Variants in PCDH11X observed in about 807,000 individuals in gnomAD.
The protein encoded by PCDH11X is protocadherin 11 X-linked.
PCDH11X carries 18 observed loss-of-function variants against 53.3 expected under a neutral mutation model. That is an observed-to-expected ratio of 0.34 (90% CI 0.23 to 0.50). The LOEUF (loss-of-function observed/expected upper bound fraction) is 0.50. Ranked by LOEUF, PCDH11X falls within the 20% of genes least tolerant of loss-of-function variation. The probability of loss-of-function intolerance (pLI) is 0.98; values close to 1 mark genes in which losing one functional copy is unlikely to be tolerated. For synonymous variants in PCDH11X, 279 were observed against 393.3 expected (o/e 0.71, Z 3.44); for missense variants, 570 against 1,032.4 (o/e 0.55, Z 6.14).
chrX:91,780,244 GAGGAGAGCC>G lies in PCDH11X; in HGVS notation c.-379+575_-379+583del, dbSNP rs906497519. On this transcript the variant is annotated intron_variant, in intron 1 of 10. Transcript: ENST00000682573. ...TTGAGGGTACGACCCTTGGCGCAGA[GAGGAGAGCC>G]AGGAGAGCCAGGAGCGCACAGGGTT... Among the ~76,000 whole-genome samples, 44 of 111,591 alleles carry G rather than the reference GAGGAGAGCC, an allele frequency of 3.9e-4. 1 individual carries two copies. The highest frequency in any genetic ancestry group is 2.6e-4 in the Non-Finnish European group (14 of 53,065).
At chrX:92,048,601 G>A (rs1325717889) in intron 6 of PCDH11X, among the ~76,000 whole-genome samples, 1 of 111,449 alleles carries the variant, frequency 9.0e-6, no homozygotes, top group Non-Finnish European at 1.9e-5. Context: ...TTTAATAAAT[G>A]ATTTAGAGGA....
chrX:92,436,837 G>T (rs1241188501), intron 9 of PCDH11X, among the ~76,000 whole-genome samples: 1 of 109,734 alleles, frequency 9.1e-6, no homozygotes, highest in East Asian at 2.9e-4. Flanking sequence ...TTGGAGGAGG[G>T]AGAGGAGCAG....
chrX:92,033,431 G>T (rs2063082436), intron 6 of PCDH11X, among the ~76,000 whole-genome samples: 2 of 107,224 alleles, frequency 1.9e-5, no homozygotes, highest in African/African-American at 6.8e-5. Context: ...CTTGTTAGTG[G>T]TCTTTTCAGG....
intron 1 of PCDH11X, among the ~76,000 whole-genome samples, chrX:91,809,119 C>T (rs1259554577): frequency 9.2e-6 from 1 of 109,024 alleles, no homozygotes. Context: ...CTTATCTGTT[C>T]TTGGCACTAA....
intron 6 of PCDH11X, among the ~76,000 whole-genome samples, chrX:92,023,544 G>T (rs1046799973): frequency 9.1e-6 from 1 of 110,003 alleles, no homozygotes; most frequent in African/African-American, 3.3e-5. Context: ...CCAAAAAAAA[G>T]CCCAGGACCA....
chrX:92,010,693 A>T lies in PCDH11X; in HGVS notation c.3033+131420A>T, dbSNP rs778128644. ...CTGTTTTTTAGATGAATACTAGATA[A>T]ATCATAAGCTAGTGAAAAAGCCACA... On this transcript the variant is annotated intron_variant, in intron 6 of 10. Transcript: ENST00000682573. Among the ~76,000 whole-genome samples, 3 of 110,394 alleles carry T rather than the reference A, an allele frequency of 2.7e-5. No individual in the cohort carries two copies. In the East Asian group the frequency reaches 8.5e-4, roughly 31 times the overall value.
chrX:92,247,401 C>T (rs2067371687), intron 7 of PCDH11X, among the ~76,000 whole-genome samples: 1 of 111,951 alleles, frequency 8.9e-6, no homozygotes, highest in Admixed American at 9.5e-5. Flanking sequence ...TTCTGACTAG[C>T]TTCCTCTTTT....
At chrX:91,936,517 T>C (rs1379078473) in intron 6 of PCDH11X, among the ~76,000 whole-genome samples, 2 of 108,099 alleles carry the variant, frequency 1.9e-5, no homozygotes, top group Non-Finnish European at 3.8e-5. Flanking sequence ...AAACATATAG[T>C]TAGCTCTTTT....
intron 6 of PCDH11X, among the ~76,000 whole-genome samples, chrX:91,911,022 G>T (rs1212274966): frequency 9.0e-6 from 1 of 111,198 alleles, no homozygotes; most frequent in Non-Finnish European, 1.9e-5. Flanking sequence ...GGAAGAATTT[G>T]AAACTATACT....
intron 7 of PCDH11X, among the ~76,000 whole-genome samples, chrX:92,234,264 C>A (rs1481890233): frequency 1.8e-5 from 2 of 111,959 alleles, no homozygotes; most frequent in Non-Finnish European, 3.8e-5. Flanking sequence ...AAGACTCTCA[C>A]TAGTCAGAGC....
At chrX:92,061,938 C>T (rs111357865) in intron 6 of PCDH11X, among the ~76,000 whole-genome samples, 3,537 of 111,651 alleles carry the variant, frequency 0.032, 134 homozygotes, top group African/African-American at 0.11. Context: ...ATTGATCCTT[C>T]TTATCCATGA....
intron 6 of PCDH11X, among the ~76,000 whole-genome samples, chrX:91,917,813 G>GA (rs1320248837): frequency 9.1e-6 from 1 of 109,578 alleles, no homozygotes; most frequent in African/African-American, 3.3e-5. Context: ...CACAGAACCA[G>GA]AAAAAAACTA....
intron 6 of PCDH11X, among the ~76,000 whole-genome samples, chrX:91,942,857 T>C (rs2061527673): frequency 1.8e-5 from 2 of 110,824 alleles, no homozygotes; most frequent in South Asian, 7.6e-4. Context: ...ATACATCATT[T>C]GCAAGTGATG....
intron 10 of PCDH11X, among the ~76,000 whole-genome samples, chrX:92,600,035 T>C (rs371019638): frequency 1.8e-5 from 2 of 108,679 alleles, no homozygotes; most frequent in East Asian, 5.7e-4. Context: ...AAGAGGTAAC[T>C]TGGGTGCTCT....
At chrX:92,483,943 A>G (rs929135355) in intron 10 of PCDH11X, among the ~76,000 whole-genome samples, 21 of 107,901 alleles carry the variant, frequency 1.9e-4, no homozygotes, top group African/African-American at 5.4e-4. Flanking sequence ...CAATCCCACT[A>G]CTGGGTATCT....
chrX:91,853,587 T>G (rs2571819), intron 5 of PCDH11X, among the ~76,000 whole-genome samples: 32,499 of 106,172 alleles, frequency 0.31, 4,651 homozygotes, highest in African/African-American at 0.48. Context: ...TATTAGCAAT[T>G]TTAAAATAAT....
intron 8 of PCDH11X, among the ~76,000 whole-genome samples, chrX:92,375,863 C>A (rs1287652712): frequency 8.9e-6 from 1 of 111,796 alleles, no homozygotes; most frequent in African/African-American, 3.3e-5. Context: ...ACCTTGTGAT[C>A]CACCCTCCTC....
At chrX:92,511,627 A>C (rs1011379745) in intron 10 of PCDH11X, among the ~76,000 whole-genome samples, 9 of 111,514 alleles carry the variant, frequency 8.1e-5, no homozygotes, top group African/African-American at 2.9e-4. Flanking sequence ...GATACAGAGA[A>C]GTTAACTGCA....
intron 6 of PCDH11X, among the ~76,000 whole-genome samples, chrX:92,013,532 C>T (rs924411569): frequency 9.0e-6 from 1 of 111,672 alleles, no homozygotes; most frequent in African/African-American, 3.3e-5. Flanking sequence ...GAAAAAACTA[C>T]TTTAAAGTTC....
Sources: gnomAD v4.1 joint callset for allele counts (sites outside exome capture counted in the v4.1 genomes callset) on GRCh38, gnomAD v4.1.1 for gene constraint, MANE v1.5 for transcripts, NCBI Gene and HGNC (gene_info 2026-07-23, HGNC 2026-07-21) for gene names.